The following GREB1 variants were observed in gnomAD, a reference collection of about 807,000 sequenced individuals.
The protein encoded by GREB1 is growth regulating estrogen receptor binding 1.
A neutral mutation model predicts 200.7 loss-of-function variants in GREB1; 106 were observed. The ratio of observed to expected loss-of-function variants is 0.53; its 90% confidence interval spans 0.45 to 0.62. The LOEUF is 0.62. Among genes scored for constraint, GREB1 ranks in the 20% least tolerant of loss-of-function variants. The pLI, the probability that GREB1 is intolerant of heterozygous loss-of-function variation, is 0.00. For synonymous variants in GREB1, 1,132 were observed against 1,092.4 expected (o/e 1.04, Z -0.72); for missense variants, 2,243 against 2,556.8 (o/e 0.88, Z 2.65).
At chr2:11,632,634 G>A (rs1042550500) in intron 27 of GREB1, among the ~76,000 whole-genome samples, 2 of 152,196 alleles carry the variant, frequency 1.3e-5, no homozygotes, top group Non-Finnish European at 2.9e-5. Flanking sequence ...CACTGCGCCT[G>A]GCCAAATTGA....
chr2:11,512,814 A>C (rs10169987), intron 1 of GREB1, among the ~76,000 whole-genome samples: 9,861 of 152,304 alleles, frequency 0.065, 1,027 homozygotes, highest in African/African-American at 0.21. Flanking sequence ...GAATCCTAAG[A>C]AAAGAATGAG....
intron 1 of GREB1, among the ~76,000 whole-genome samples, chr2:11,522,735 C>T (rs950669865): frequency 8.5e-5 from 13 of 152,162 alleles, no homozygotes; most frequent in South Asian, 4.1e-4. Flanking sequence ...GGGAGGCTTC[C>T]GCTGGGGAGC....
chr2:11,514,813 G>A (rs1203477853), intron 1 of GREB1, among the ~76,000 whole-genome samples: 1 of 152,214 alleles, frequency 6.6e-6, no homozygotes, highest in Non-Finnish European at 1.5e-5. Context: ...ACTAGGTTGT[G>A]AGTCCCTCTG....
At chr2:11,505,729 A>G (rs770339232) in intron 1 of GREB1, among the ~76,000 whole-genome samples, 1 of 151,984 alleles carries the variant, frequency 6.6e-6, no homozygotes, top group Non-Finnish European at 1.5e-5. Context: ...TACTTGTAGT[A>G]CCAACTACTG....
rs60141733 is a variant in GREB1, at chr2:11,516,311, G to GGTGTGTGTGTGT, written c.-159+33956_-159+33967dup. Among the ~76,000 whole-genome samples, 494 of 143,958 alleles carry GGTGTGTGTGTGT rather than the reference G, an allele frequency of 3.4e-3. 3 individuals are homozygous for GGTGTGTGTGTGT. The highest frequency in any genetic ancestry group is 9.9e-3 in the African/African-American group (383 of 38,800). 94.4% of individuals were successfully genotyped at this position (143,958 alleles called of 152,430 possible). On this transcript the variant is annotated intron_variant, in intron 1 of 2. Coordinates refer to the GREB1 transcript ENST00000628795. Reference sequence around the variant, plus strand: ...ACCAAGTGCTGTAGATTTTCCTGCAGGTGTGTGTGTGTGTGTGTGTGTGTG... The same window carrying GGTGTGTGTGTGT: ...ACCAAGTGCTGTAGATTTTCCTGCAGGTGTGTGTGTGTGTGTGTGTGTGTGTGTGTGTGTGTG...
In GREB1 at chr2:11,619,256, T is replaced by TG. The variant is rs34655742; in HGVS notation, c.4044+339dup. Among the ~76,000 whole-genome samples the TG allele has an allele frequency of 3.9e-4, 60 of 152,348 alleles. 1 individual carries two copies. The highest frequency in any genetic ancestry group is 6.8e-3 in the Middle Eastern group (2 of 294). On this transcript the variant is annotated intron_variant, in intron 22 of 32. Coordinates refer to ENST00000381486, the MANE Select transcript of GREB1 (RefSeq NM_014668.4). ...AGAAACAAAACTCTGGGTTCTCCAC[T>TG]GGAAGGTTTCGGTGAACCATGAACG...
At position 11,493,741 on chromosome 2, in the gene GREB1, C is replaced by T. The variant is rs1672819516; in HGVS notation, c.-159+11360C>T. Among the ~76,000 whole-genome samples the T allele has an allele frequency of 6.6e-6, 1 of 152,100 alleles. No homozygotes were observed. The highest frequency in any genetic ancestry group is 2.4e-5 in the African/African-American group (1 of 41,428). On this transcript the variant is annotated intron_variant, in intron 1 of 2. Transcript: ENST00000628795. The surrounding 1 kb of genome is among the most constrained non-coding windows in gnomAD (Gnocchi z 4.6). The stretch of plus-strand genomic sequence containing the variant: ...AGCAGATTTAGTCAGTTCTTTTGAC[C>T]AGTAAGTCCTTATTGAATGTTTGCT...
At position 11,596,134 on chromosome 2, in the gene GREB1, G is replaced by A; in HGVS notation, c.1849G>A (p.Asp617Asn). ...CPEGDIDILL[D>N]KFHQENQGHI... is the part of the protein sequence containing the mutation. ...AGAGGGTGACATTGACATTTTGCTG[G>A]ACAAATTTCACCAGGAAAATCAAGG... Residue 617 changes from aspartate (D) to asparagine (N), a missense_variant, in exon 13 of 33, where the codon GAC becomes AAC. Asp to Asn is a conservative substitution (Grantham distance 23, BLOSUM62 1). Transcript: ENST00000381486. 1 of 1,613,770 alleles carries A rather than the reference G, an allele frequency of 6.2e-7. No homozygotes were observed. The highest frequency in any genetic ancestry group is 8.5e-7 in the Non-Finnish European group (1 of 1,179,780).
rs1165128721 is a variant in GREB1, at chr2:11,618,828, C to T, written c.3953C>T (p.Pro1318Leu). 1.2e-6 allele frequency: 2 copies of T among 1,604,446 alleles called. No individual in the cohort carries two copies. Among genetic ancestry groups the T allele is most frequent in the Non-Finnish European group, 1.7e-6 (2 of 1,179,080 alleles). ...CTCTACTACCGGCAGTGGACGGTGC[C>T]CCGGCCCAGCCACATGGACTACGGC... is the stretch of plus-strand genomic sequence containing the variant. The part of the protein sequence containing the change: ...QSLYYRQWTV[P>L]RPSHMDYGNR... The change falls in exon 22 of 33, where the codon CCC becomes CTC. Residue 1318 changes from proline (P) to leucine (L), a missense_variant. This residue lies in a region of GREB1 where 587 missense variants were observed against 553.1 expected (regional missense o/e 1.06). Transcript: ENST00000381486.
rs537954142 is a variant in GREB1, at chr2:11,560,832, G to A, written c.158-1631G>A. Reference sequence around the variant, plus strand: ...AATGACATTTAAAGATAGAGAAGTTGAGAAAGATTTTTACCCCAAATGTCT... The same window carrying A: ...AATGACATTTAAAGATAGAGAAGTTAAGAAAGATTTTTACCCCAAATGTCT... On this transcript the variant is annotated intron_variant, in intron 2 of 32. Coordinates refer to ENST00000381486, the MANE Select transcript of GREB1 (RefSeq NM_014668.4). Among the ~76,000 whole-genome samples, 3 of 152,282 alleles carry A rather than the reference G, an allele frequency of 2.0e-5. No homozygotes were observed. The East Asian group carries it at 5.8e-4, about 29-fold the overall frequency.
chr2:11,618,621 T>C lies in GREB1; in HGVS notation c.3746T>C (p.Leu1249Ser). ...GTCCTGCAGGCCTCCCAGTGCTCCT[T>C]GACCAAGGCCTGCCGCCAGCCACCC... ...TWVLQASQCS[L>S]TKACRQPPIV... Residue 1249 changes from leucine (L) to serine (S), a missense_variant, in exon 22 of 33, where the codon TTG (leucine) becomes TCG (serine). Around this residue, in one of 3 missense-constraint regions of GREB1, gnomAD observed 587 missense variants for 553.1 expected, o/e 1.06. Coordinates refer to ENST00000381486, the MANE Select transcript of GREB1 (RefSeq NM_014668.4). 1.2e-6 allele frequency: 2 copies of C among 1,613,318 alleles called. No individual in the cohort carries two copies. Among genetic ancestry groups the C allele is most frequent in the South Asian group, 2.2e-5 (2 of 91,050 alleles).
upstream of GREB1, chr2:11,534,044 T>A (rs1674175205): frequency 6.6e-6 from 1 of 152,192 alleles, no homozygotes; most frequent in African/African-American, 2.4e-5. Flanking sequence ...GTTTTACACA[T>A]GCTAAATGGT....
chr2:11,515,409 G>T (rs1315624309), intron 1 of GREB1, among the ~76,000 whole-genome samples: 2 of 152,266 alleles, frequency 1.3e-5, no homozygotes, highest in Non-Finnish European at 2.9e-5. Flanking sequence ...GGCTCTCCAA[G>T]AAGAAATTAG....
At chr2:11,520,638 T>G (rs1480551021) in intron 1 of GREB1, among the ~76,000 whole-genome samples, 1 of 152,170 alleles carries the variant, frequency 6.6e-6, no homozygotes, top group Non-Finnish European at 1.5e-5. Context: ...TCCTCCTTCT[T>G]CTTGTATTAT....
chr2:11,501,905 G>GTTTTTTTTTT (rs1204074491), intron 1 of GREB1, among the ~76,000 whole-genome samples: 8 of 61,588 alleles, frequency 1.3e-4, no homozygotes, highest in East Asian at 5.0e-4. Flanking sequence ...GTTTTTTTTT[G>GTTTTTTTTTT]TTTTTTTTTT....
At chr2:11,555,229 A>G (rs1420995086) in intron 1 of GREB1, among the ~76,000 whole-genome samples, 3 of 152,372 alleles carry the variant, frequency 2.0e-5, no homozygotes, top group Non-Finnish European at 4.4e-5. Flanking sequence ...GAAATAGAAA[A>G]TAAATGGAAA....
At chr2:11,619,575 C>T (rs115204432) in intron 22 of GREB1, among the ~76,000 whole-genome samples, 318 of 152,294 alleles carry the variant, frequency 2.1e-3, no homozygotes, top group Non-Finnish European at 3.1e-3. Flanking sequence ...TTCTTCCATA[C>T]CCTCACACTA....
At chr2:11,627,790 C>T (rs989389256) in intron 25 of GREB1, among the ~76,000 whole-genome samples, 4 of 152,200 alleles carry the variant, frequency 2.6e-5, no homozygotes, top group East Asian at 3.8e-4. Flanking sequence ...TGGGAGCTGT[C>T]CTATCTAGTG....
upstream of GREB1, among the ~76,000 whole-genome samples, chr2:11,532,471 G>A (rs1558505468): frequency 6.6e-6 from 1 of 152,242 alleles, no homozygotes. Flanking sequence ...CTTTCCTTAC[G>A]CCTTTAGTTT....
Sources: allele counts gnomAD v4.1 joint callset (sites outside exome capture counted in the v4.1 genomes callset), GRCh38; gene constraint gnomAD v4.1.1; regional missense constraint gnomAD v4.1.1; non-coding constraint Gnocchi (gnomAD v3.1); transcripts MANE v1.5; gene names NCBI Gene and HGNC (gene_info 2026-07-23, HGNC 2026-07-21).